The following PRMT8 variants were observed in gnomAD, a reference collection of about 807,000 sequenced individuals.
PRMT8 encodes the protein protein arginine methyltransferase 8, also known as protein arginine N-methyltransferase 8.
A neutral mutation model predicts 47.1 loss-of-function variants in PRMT8; 7 were observed. The observed-to-expected ratio is 0.15, with a 90% CI of 0.08 to 0.28. PRMT8 has a LOEUF of 0.28. Ranked by LOEUF, PRMT8 falls within the 10% of genes least tolerant of loss-of-function variation. The pLI, the probability that PRMT8 is intolerant of heterozygous loss-of-function variation, is 1.00. For synonymous variants in PRMT8, 188 were observed against 186.5 expected (o/e 1.01, Z -0.07); for missense variants, 237 against 505.4 (o/e 0.47, Z 5.09).
chr12:3,482,326 A>C (rs540147900), intron 1 of PRMT8, among the ~76,000 whole-genome samples: 1 of 152,184 alleles, frequency 6.6e-6, no homozygotes, highest in East Asian at 1.9e-4. Context: ...TTCTGATACT[A>C]TTCTCCTCCT....
intron 7 of PRMT8, among the ~76,000 whole-genome samples, chr12:3,581,917 A>G (rs59389023): frequency 0.022 from 3,334 of 152,288 alleles, 123 homozygotes; most frequent in African/African-American, 0.076. Context: ...CTGGAAATAC[A>G]TTGAGACAAA....
chr12:3,399,641 C>T (rs1467377360), intron 1 of PRMT8, among the ~76,000 whole-genome samples: 1 of 152,174 alleles, frequency 6.6e-6, no homozygotes, highest in Non-Finnish European at 1.5e-5. Flanking sequence ...TGTGCTCTCC[C>T]TCACAGTGAA....
intron 1 of PRMT8, among the ~76,000 whole-genome samples, chr12:3,524,766 G>A (rs1865928142): frequency 6.6e-6 from 1 of 152,126 alleles, no homozygotes; most frequent in South Asian, 2.1e-4. Flanking sequence ...GCCCACTAGG[G>A]GATAAATTGC....
At chr12:3,476,945 C>G (rs1865220533) in intron 1 of PRMT8, among the ~76,000 whole-genome samples, 1 of 152,224 alleles carries the variant, frequency 6.6e-6, no homozygotes, top group South Asian at 2.1e-4. Context: ...AATTGGGAAG[C>G]ATTTTAGAGA....
intron 7 of PRMT8, 150 bp from the exon 8 acceptor site, chr12:3,582,908 C>A: frequency 2.3e-6 from 2 of 860,332 alleles, no homozygotes; most frequent in Non-Finnish European, 3.5e-6. Context: ...ATTGGGAGGG[C>A]GGTGGGGAGC....
intron 1 of PRMT8, among the ~76,000 whole-genome samples, chr12:3,398,480 T>A (rs190932923): frequency 1.5e-4 from 23 of 152,352 alleles, no homozygotes; most frequent in East Asian, 1.2e-3. Context: ...AGAGTTGATC[T>A]CATACTTCAC....
upstream of PRMT8, among the ~76,000 whole-genome samples, chr12:3,490,983 C>T (rs1209797046): frequency 6.6e-6 from 1 of 152,100 alleles, no homozygotes; most frequent in Non-Finnish European, 1.5e-5. Flanking sequence ...CCGGCGCCGG[C>T]TTTCTCTGGG....
At chr12:3,440,115 T>C (rs774336580) in intron 1 of PRMT8, among the ~76,000 whole-genome samples, 2 of 152,150 alleles carry the variant, frequency 1.3e-5, no homozygotes, top group Non-Finnish European at 2.9e-5. Flanking sequence ...ACCATTAAGG[T>C]GCAAAATGAA....
chr12:3,427,797 A>T (rs1202598281), intron 1 of PRMT8, among the ~76,000 whole-genome samples: 1 of 152,122 alleles, frequency 6.6e-6, no homozygotes, highest in Non-Finnish European at 1.5e-5. Flanking sequence ...AATTTACCAT[A>T]TAACTTTTTT....
chr12:3,473,287 C>A (rs1216498233), intron 1 of PRMT8, among the ~76,000 whole-genome samples: 1 of 152,128 alleles, frequency 6.6e-6, no homozygotes, highest in Non-Finnish European at 1.5e-5. Context: ...GATCATAAAG[C>A]CCAACAGACA....
chr12:3,454,344 A>G (rs1239129437), intron 1 of PRMT8, among the ~76,000 whole-genome samples: 2 of 152,228 alleles, frequency 1.3e-5, no homozygotes, highest in Admixed American at 1.3e-4. Flanking sequence ...TTGGTGCCAC[A>G]GGGAGCAAGA....
At position 3,405,925 on chromosome 12, in the gene PRMT8, A is replaced by G. The variant is rs572551487; in HGVS notation, c.48+24483A>G. ...TCACAGCTCCACTAGGCAGTGCCCA[A>G]GTGGGGACTCTGTGTGGGGGCTGCA... On this transcript the variant is annotated intron_variant, in intron 1 of 9. Transcript: ENST00000452611. Among the ~76,000 whole-genome samples the G allele has an allele frequency of 7.4e-4, 113 of 152,332 alleles. 1 individual carries two copies. The highest frequency in any genetic ancestry group is 3.9e-4 in the East Asian group (2 of 5,190).
intron 1 of PRMT8, among the ~76,000 whole-genome samples, chr12:3,447,522 C>T (rs1220306650): frequency 1.3e-5 from 2 of 152,140 alleles, no homozygotes; most frequent in East Asian, 3.9e-4. Context: ...TCACCAAATT[C>T]CCACTCATCC....
chr12:3,428,985 T>C (rs1864641654), intron 1 of PRMT8, among the ~76,000 whole-genome samples: 1 of 152,082 alleles, frequency 6.6e-6, no homozygotes, highest in African/African-American at 2.4e-5. Flanking sequence ...TGACTCCATC[T>C]TTGTCTCTCT....
intron 1 of PRMT8, among the ~76,000 whole-genome samples, chr12:3,398,877 C>G (rs564864193): frequency 5.3e-5 from 8 of 152,322 alleles, no homozygotes; most frequent in Non-Finnish European, 8.8e-5. Context: ...ATGAACCACA[C>G]TGGGTTCTAA....
intron 1 of PRMT8, among the ~76,000 whole-genome samples, chr12:3,398,228 T>C (rs899001610): frequency 2.6e-5 from 4 of 152,158 alleles, no homozygotes; most frequent in African/African-American, 9.7e-5. Flanking sequence ...TCTTGGCTCC[T>C]CCCTCGAAAT....
At chr12:3,581,316 A>G (rs999971514) in intron 7 of PRMT8, among the ~76,000 whole-genome samples, 1 of 152,158 alleles carries the variant, frequency 6.6e-6, no homozygotes, top group Non-Finnish European at 1.5e-5. Flanking sequence ...TGTGAATTGG[A>G]ACACACATTT....
intron 1 of PRMT8, among the ~76,000 whole-genome samples, chr12:3,419,623 AT>A (rs200822670): frequency 0.023 from 3,552 of 151,806 alleles, 65 homozygotes; most frequent in Non-Finnish European, 0.034. Flanking sequence ...ACTATTCTCC[AT>A]CCCCGCTACC....
At chr12:3,561,898 G>A (rs1032915260) in intron 4 of PRMT8, among the ~76,000 whole-genome samples, 2 of 152,202 alleles carry the variant, frequency 1.3e-5, no homozygotes, top group African/African-American at 4.8e-5. Flanking sequence ...CATAGTTGCT[G>A]TTTGTATAAC....
Sources: gnomAD v4.1 joint callset for allele counts (sites outside exome capture counted in the v4.1 genomes callset) on GRCh38, gnomAD v4.1.1 for gene constraint, MANE v1.5 for transcripts, NCBI Gene and HGNC (gene_info 2026-07-23, HGNC 2026-07-21) for gene names.